The following PLEKHA5 variants were observed in gnomAD, a reference collection of about 807,000 sequenced individuals.
PLEKHA5 encodes pleckstrin homology domain containing A5.
Under a neutral mutation model 181.9 loss-of-function variants are expected in PLEKHA5, and 55 were observed. The observed-to-expected ratio is 0.30, with a 90% CI of 0.24 to 0.38. The LOEUF is 0.38. Ranked by LOEUF, PLEKHA5 falls within the 10% of genes least tolerant of loss-of-function variation. The pLI is 1.00. For synonymous variants in PLEKHA5, 535 were observed against 529.4 expected (o/e 1.01, Z -0.15); for missense variants, 1,432 against 1,549.5 (o/e 0.92, Z 1.27).
intron 31 of PLEKHA5, chr12:19,371,004 C>T (rs961973724): frequency 7.7e-5 from 11 of 143,036 alleles, no homozygotes; most frequent in African/African-American, 2.7e-4. Flanking sequence ...TATTTTCTCT[C>T]CTTTTTTTTT....
intron 3 of PLEKHA5, among the ~76,000 whole-genome samples, chr12:19,210,924 A>G (rs911713519): frequency 2.0e-5 from 3 of 150,926 alleles, no homozygotes; most frequent in Admixed American, 6.6e-5. Context: ...TTTTTTTTTT[A>G]TATTTGAAGA....
At chr12:19,145,866 C>T (rs1029911183) in intron 3 of PLEKHA5, among the ~76,000 whole-genome samples, 4 of 152,036 alleles carry the variant, frequency 2.6e-5, no homozygotes, top group African/African-American at 9.6e-5. Context: ...TGCTAAACCC[C>T]GTAAGTAGAG....
rs1412796875 is a variant in PLEKHA5 at position 19,290,737 on chromosome 12, A to G, written c.1924A>G (p.Ile642Val). 40 of 1,536,202 alleles carry G rather than the reference A, an allele frequency of 2.6e-5. No individual in the cohort carries two copies. The highest frequency in any genetic ancestry group is 3.2e-5 in the Non-Finnish European group (37 of 1,146,712). ...LRRQQAELSS[I>V]REHTLAQLMQ... Reference sequence around the variant, plus strand: ...ACGGCAGCAAGCCGAACTGAGTAGTATCCGGGAGCATACGTTAGCACAGCT... The same window carrying G: ...ACGGCAGCAAGCCGAACTGAGTAGTGTCCGGGAGCATACGTTAGCACAGCT... Residue 642 changes from isoleucine to valine, a missense_variant, in exon 14 of 32, where the codon ATC becomes GTC. Ile to Val is a conservative substitution (Grantham distance 29). Around this residue, in one of 2 missense-constraint regions of PLEKHA5, gnomAD observed 1,143 missense variants for 1,168.4 expected, o/e 0.98. Transcript: ENST00000429027.
At chr12:19,241,706 A>T (rs2062639097) in intron 3 of PLEKHA5, among the ~76,000 whole-genome samples, 2 of 151,994 alleles carry the variant, frequency 1.3e-5, no homozygotes, top group South Asian at 4.2e-4. Flanking sequence ...CAGTGAGCCC[A>T]AAATCACACC....
intron 20 of PLEKHA5, among the ~76,000 whole-genome samples, 170 bp from the exon 21 acceptor site, chr12:19,336,345 A>G (rs564228117): frequency 6.6e-6 from 1 of 152,352 alleles, no homozygotes; most frequent in East Asian, 1.9e-4. Context: ...GTTGCTTAGT[A>G]AATTTTTGTT....
chr12:19,284,506 A>G lies in PLEKHA5; in HGVS notation c.1779+761A>G, dbSNP rs116796030. ...AAGTGTTAACTTTATCTTCTAACCA[A>G]TGAATATATGGCATATTGAGATAAC... On this transcript the variant is annotated intron_variant, in intron 12 of 31. Transcript: ENST00000429027. Among the ~76,000 whole-genome samples the G allele has an allele frequency of 2.1e-3, 317 of 152,332 alleles. 3 individuals carry two copies. Among genetic ancestry groups the G allele is most frequent in the African/African-American group, 7.4e-3 (308 of 41,572 alleles).
At chr12:19,162,310 G>C (rs1196837592) in intron 3 of PLEKHA5, among the ~76,000 whole-genome samples, 2 of 152,094 alleles carry the variant, frequency 1.3e-5, no homozygotes. Flanking sequence ...AAACATAGAA[G>C]GCAGGCAAAG....
chr12:19,281,406 A>G (rs1468782896), intron 11 of PLEKHA5, among the ~76,000 whole-genome samples: 1 of 151,836 alleles, frequency 6.6e-6, no homozygotes, highest in Non-Finnish European at 1.5e-5. Context: ...GCAAAACCCC[A>G]TCTCTACAAA....
At chr12:19,246,020 C>G (rs1320259415) in intron 3 of PLEKHA5, among the ~76,000 whole-genome samples, 1 of 150,362 alleles carries the variant, frequency 6.7e-6, no homozygotes, top group African/African-American at 2.4e-5. Flanking sequence ...ACTCTGTCGC[C>G]CAGGCTGTAG....
chr12:19,365,601 T>C (rs1281964366), intron 29 of PLEKHA5, among the ~76,000 whole-genome samples: 1 of 152,144 alleles, frequency 6.6e-6, no homozygotes, highest in African/African-American at 2.4e-5. Context: ...AATGACATTA[T>C]GAGGCACCAG....
At chr12:19,322,212 T>C (rs543651690) in intron 18 of PLEKHA5, 98 bp from the exon 19 acceptor site, 1 of 722,564 alleles carries the variant, frequency 1.4e-6, no homozygotes, top group East Asian at 2.6e-5. Flanking sequence ...TAACTTTTAT[T>C]GATTGAAATA....
intron 3 of PLEKHA5, chr12:19,243,127 C>G (rs2062983605): frequency 6.6e-6 from 1 of 152,320 alleles, no homozygotes; most frequent in South Asian, 2.1e-4. Flanking sequence ...CATCTGCTGT[C>G]AGTGGAAGAA....
At chr12:19,321,235 G>A (rs1209632073) in intron 18 of PLEKHA5, among the ~76,000 whole-genome samples, 1 of 151,338 alleles carries the variant, frequency 6.6e-6, no homozygotes, top group African/African-American at 2.4e-5. Context: ...ATAAAGTTCG[G>A]CCTTTAGAAA....
At chr12:19,156,979 A>G (rs2041898384) in intron 3 of PLEKHA5, among the ~76,000 whole-genome samples, 1 of 151,582 alleles carries the variant, frequency 6.6e-6, no homozygotes, top group South Asian at 2.1e-4. Context: ...GAATCGCTTG[A>G]ACCCGGGAGC....
chr12:19,356,855 T>C (rs953485041), intron 26 of PLEKHA5, among the ~76,000 whole-genome samples: 4 of 151,890 alleles, frequency 2.6e-5, no homozygotes, highest in Non-Finnish European at 5.9e-5. Context: ...GACACAGGGT[T>C]TCACCATGTT....
intron 3 of PLEKHA5, among the ~76,000 whole-genome samples, chr12:19,162,628 G>T (rs1347420439): frequency 1.3e-5 from 2 of 151,036 alleles, no homozygotes; most frequent in Non-Finnish European, 2.9e-5. Flanking sequence ...ACAGAGACAG[G>T]CCATCTTTCT....
At chr12:19,145,748 T>C (rs2038768656) in intron 3 of PLEKHA5, among the ~76,000 whole-genome samples, 1 of 152,042 alleles carries the variant, frequency 6.6e-6, no homozygotes, top group Admixed American at 6.6e-5. Context: ...TGTGGTCACA[T>C]GCAAATATTT....
intron 31 of PLEKHA5, chr12:19,371,822 TACTC>T (rs1364528052): frequency 6.6e-6 from 1 of 152,220 alleles, no homozygotes; most frequent in Non-Finnish European, 1.5e-5. Context: ...TTTGGGTCGA[TACTC>T]AGTAGTGGGA....
intron 15 of PLEKHA5, among the ~76,000 whole-genome samples, chr12:19,305,861 C>CAAAA (rs376068601): frequency 0.46 from 16,993 of 37,060 alleles, 5,864 homozygotes; most frequent in Non-Finnish European, 0.62. Context: ...AACTCCATCT[C>CAAAA]AAAAAAAAAA....
Sources: gnomAD v4.1 joint callset for allele counts (sites outside exome capture counted in the v4.1 genomes callset) on GRCh38, gnomAD v4.1.1 for gene constraint, gnomAD v4.1.1 regional missense constraint, MANE v1.5 for transcripts, NCBI Gene and HGNC (gene_info 2026-07-23, HGNC 2026-07-21) for gene names.